Variants in DMGDH observed in about 807,000 individuals in gnomAD.
The protein encoded by DMGDH is dimethylglycine dehydrogenase.
A neutral mutation model predicts 95.2 loss-of-function variants in DMGDH; 76 were observed. The observed-to-expected ratio is 0.80, with a 90% CI of 0.66 to 0.97. DMGDH has a LOEUF of 0.97. Ranked by LOEUF, DMGDH falls within the 50% of genes least tolerant of loss-of-function variation. DMGDH has a pLI of 0.00. For missense variants in DMGDH, 987 were observed against 1,055.0 expected (o/e 0.94, Z 0.89); for synonymous variants, 345 against 377.6 (o/e 0.91, Z 1.00).
intron 4 of DMGDH, among the ~76,000 whole-genome samples, chr5:79,053,907 C>T (rs1216654501): frequency 6.6e-6 from 1 of 152,088 alleles, no homozygotes; most frequent in African/African-American, 2.4e-5. Flanking sequence ...TATGGAAACC[C>T]TTAGATCTGG....
At chr5:79,021,275 C>T (rs1753860585) in intron 14 of DMGDH, 1 of 1,059,856 alleles carries the variant, frequency 9.4e-7, no homozygotes, top group East Asian at 7.5e-5. Flanking sequence ...AGAACGTATC[C>T]CTACAGCTTT....
At chr5:79,061,784 T>G (rs571253) in intron 2 of DMGDH, among the ~76,000 whole-genome samples, 90,246 of 151,794 alleles carry the variant, frequency 0.59, 27,476 homozygotes, top group East Asian at 0.78. Context: ...GCTGGGCATG[T>G]TAGCGCACAC....
chr5:79,040,497 A>T (rs1326941563), intron 7 of DMGDH, among the ~76,000 whole-genome samples: 1 of 152,266 alleles, frequency 6.6e-6, no homozygotes, highest in African/African-American at 2.4e-5. Context: ...AGCTAAAACT[A>T]TAAAACTCTT....
chr5:79,049,023 G>T (rs988579831), intron 5 of DMGDH, among the ~76,000 whole-genome samples: 1 of 152,162 alleles, frequency 6.6e-6, no homozygotes. Context: ...AAGGGAAAAA[G>T]GGAGGCATTA....
In DMGDH at chr5:79,028,542, A is replaced by G. The variant is rs763138738; in HGVS notation, c.1923T>C (p.Leu641=). ...TAAGATCTTCAGAGGTCAGTTTCTG[A>G]AGGACCTTTCTTGCCTGTGGCCCAG... is the stretch of plus-strand genomic sequence containing the variant. The part of the protein sequence containing the change: ...GVAGPQARKV[L]QKLTSEDLSD... The change falls in exon 12 of 16, where the codon CTT becomes CTC. Residue 641 remains leucine (L), a synonymous_variant. Transcript: ENST00000255189. The G allele has an allele frequency of 2.5e-6, 4 of 1,614,118 alleles. No homozygotes were observed. The highest frequency in any genetic ancestry group is 2.2e-5 in the East Asian group (1 of 44,872).
intron 9 of DMGDH, among the ~76,000 whole-genome samples, chr5:79,032,378 G>A (rs1754203428): frequency 6.6e-6 from 1 of 152,170 alleles, no homozygotes; most frequent in East Asian, 1.9e-4. Flanking sequence ...AAACCTTTAG[G>A]AGCCAACTGA....
intron 2 of DMGDH, among the ~76,000 whole-genome samples, chr5:79,059,067 T>C (rs1755116780): frequency 6.6e-6 from 1 of 152,242 alleles, no homozygotes; most frequent in Admixed American, 6.5e-5. Flanking sequence ...ACATGTGATA[T>C]GTAAATATTA....
chr5:79,013,138 C>A (rs762037914), intron 14 of DMGDH, among the ~76,000 whole-genome samples: 3 of 152,114 alleles, frequency 2.0e-5, no homozygotes, highest in Non-Finnish European at 4.4e-5. Context: ...TTTGTTCACA[C>A]ACATGAGCAT....
At chr5:79,032,630 T>C in intron 9 of DMGDH, 57 bp downstream of exon 9, 4 of 1,610,352 alleles carry the variant, frequency 2.5e-6, no homozygotes, top group South Asian at 1.1e-5. Context: ...CGCTTTTTGC[T>C]GTCCCGTTGT....
Position 79,054,171 on chromosome 5 carries a change from T to A in DMGDH, c.540+13A>T. On this transcript the variant is annotated intron_variant, in intron 4 of 15. Coordinates refer to ENST00000255189, the MANE Select transcript of DMGDH (RefSeq NM_013391.3). ...AAGTCAACAAATGGTAAAAATGCCC[T>A]TAAGATAAATACCTTATTCATGTTG... is the stretch of plus-strand genomic sequence containing the variant. 1.9e-6 allele frequency: 3 copies of A among 1,613,234 alleles called. No homozygotes were observed. The highest frequency in any genetic ancestry group is 2.5e-6 in the Non-Finnish European group (3 of 1,179,818).
At chr5:79,009,539 G>T (rs1580184687) in intron 14 of DMGDH, among the ~76,000 whole-genome samples, 1 of 151,780 alleles carries the variant, frequency 6.6e-6, no homozygotes. Context: ...TCTGTATTTT[G>T]GATAGAGATG....
intron 14 of DMGDH, among the ~76,000 whole-genome samples, chr5:79,007,548 A>G (rs1482811127): frequency 6.6e-6 from 1 of 152,172 alleles, no homozygotes; most frequent in Non-Finnish European, 1.5e-5. Flanking sequence ...TAATGATGAC[A>G]AGGGGTGCTT....
At chr5:79,040,279 T>C (rs1754473730) in intron 7 of DMGDH, among the ~76,000 whole-genome samples, 1 of 152,160 alleles carries the variant, frequency 6.6e-6, no homozygotes, top group Non-Finnish European at 1.5e-5. Context: ...TGGTTGTTGG[T>C]GCTGGAAAAT....
chr5:79,000,955 C>G, intron 15 of DMGDH: 1 of 681,254 alleles, frequency 1.5e-6, no homozygotes, highest in South Asian at 1.8e-5. Context: ...GGCAGCATCA[C>G]TTGCAAGCAA....
At chr5:79,057,935 A>G (rs1449754243) in intron 2 of DMGDH, among the ~76,000 whole-genome samples, 5 of 152,188 alleles carry the variant, frequency 3.3e-5, no homozygotes, top group African/African-American at 1.2e-4. Context: ...TATCTACACT[A>G]CGCAATCCTC....
At chr5:79,006,472 G>A (rs1753548334) in intron 14 of DMGDH, among the ~76,000 whole-genome samples, 2 of 152,186 alleles carry the variant, frequency 1.3e-5, no homozygotes, top group African/African-American at 4.8e-5. Context: ...ACATCCGTGG[G>A]AGGTTAGTAT....
intron 14 of DMGDH, chr5:79,020,685 A>G: frequency 1.0e-6 from 1 of 981,012 alleles, no homozygotes; most frequent in Non-Finnish European, 1.2e-6. Flanking sequence ...AATAGAGATT[A>G]CATTTTATTC....
At chr5:79,054,083 A>T (rs1424259769) in intron 4 of DMGDH, 101 bp downstream of exon 4, 1 of 1,348,930 alleles carries the variant, frequency 7.4e-7, no homozygotes, top group African/African-American at 1.5e-5. Flanking sequence ...TCACATTTAA[A>T]ATGTGTGTAC....
intron 8 of DMGDH, 82 bp from the exon 9 acceptor site, chr5:79,032,922 C>G (rs1024251361): frequency 2.6e-6 from 4 of 1,543,438 alleles, no homozygotes; most frequent in Admixed American, 1.7e-5. Context: ...TATGGAAATA[C>G]AGTACTTAAA....
Sources: allele counts gnomAD v4.1 joint callset (sites outside exome capture counted in the v4.1 genomes callset), GRCh38; gene constraint gnomAD v4.1.1; transcripts MANE v1.5; gene names NCBI Gene and HGNC (gene_info 2026-07-23, HGNC 2026-07-21).